LZTS1: variants seen among roughly 807,000 people sequenced by gnomAD.
The protein encoded by LZTS1 is leucine zipper putative tumor suppressor 1.
A neutral mutation model predicts 45.8 loss-of-function variants in LZTS1; 31 were observed. The observed-to-expected ratio is 0.68, with a 90% confidence interval of 0.51 to 0.91. LZTS1 has a LOEUF of 0.91. Among genes scored for constraint, LZTS1 ranks in the 40% least tolerant of loss-of-function variants. The pLI is 0.00. For synonymous variants in LZTS1, 359 were observed against 357.3 expected (o/e 1.00, Z -0.05); for missense variants, 821 against 788.9 (o/e 1.04, Z -0.49).
chr8:20,258,518 G>T (rs1380376890), intron 1 of LZTS1, among the ~76,000 whole-genome samples: 1 of 152,164 alleles, frequency 6.6e-6, no homozygotes, highest in Non-Finnish European at 1.5e-5. Flanking sequence ...TCTATATTTT[G>T]TTAGGAAAAG....
chr8:20,280,480 G>A (rs1291940472), intron 1 of LZTS1, among the ~76,000 whole-genome samples: 1 of 152,094 alleles, frequency 6.6e-6, no homozygotes, highest in Admixed American at 6.5e-5. Context: ...CATTCATGGG[G>A]ATAATTCCTC....
chr8:20,300,233 C>T (rs1801051277), intron 1 of LZTS1, among the ~76,000 whole-genome samples: 1 of 152,208 alleles, frequency 6.6e-6, no homozygotes, highest in African/African-American at 2.4e-5. Context: ...AACAGTGCTC[C>T]CTGCCAAAGG....
chr8:20,265,676 CAAAAAAAAAAAA>C (rs71222140), intron 1 of LZTS1, among the ~76,000 whole-genome samples: 1 of 42,996 alleles, frequency 2.3e-5, no homozygotes, highest in South Asian at 1.9e-3. Flanking sequence ...GACTCTGTCT[CAAAAAAAAAAAA>C]AAAAAAAAAA....
intron 1 of LZTS1, among the ~76,000 whole-genome samples, chr8:20,271,308 C>T (rs1288162133): frequency 6.6e-6 from 1 of 152,254 alleles, no homozygotes; most frequent in African/African-American, 2.4e-5. Context: ...CTGGGTTGAG[C>T]ATCCGGCCGT....
intron 1 of LZTS1, among the ~76,000 whole-genome samples, chr8:20,293,911 T>C (rs939025794): frequency 1.3e-5 from 2 of 151,898 alleles, no homozygotes; most frequent in Non-Finnish European, 2.9e-5. Flanking sequence ...CAACAGAGCA[T>C]GACTCTGCCT....
chr8:20,291,532 A>G (rs1653220632), intron 1 of LZTS1, among the ~76,000 whole-genome samples: 1 of 152,246 alleles, frequency 6.6e-6, no homozygotes, highest in Non-Finnish European at 1.5e-5. Flanking sequence ...AAATGAGAAA[A>G]TTGAGGCTCA....
chr8:20,267,723 G>A (rs188366781), intron 1 of LZTS1, among the ~76,000 whole-genome samples: 3 of 152,158 alleles, frequency 2.0e-5, no homozygotes, highest in East Asian at 1.9e-4. Context: ...CACCATGTTG[G>A]CCAGGATGGT....
Position 20,250,258 on chromosome 8 carries a change from G to C in LZTS1, c.1255C>G (p.Leu419Val). 3 of 1,613,804 alleles carry C rather than the reference G, an allele frequency of 1.9e-6. No individual in the cohort carries two copies. The highest frequency in any genetic ancestry group is 2.2e-5 in the South Asian group (2 of 91,084). ...ASEILGLKAQ[L>V]KDTRGKLEGL... Reference sequence around the variant, plus strand: ...TCCAGCTTGCCCCGCGTGTCCTTCAGCTGTGCCTTGAGACCCAGGATCTCG... The same window carrying C: ...TCCAGCTTGCCCCGCGTGTCCTTCACCTGTGCCTTGAGACCCAGGATCTCG... Residue 419 changes from leucine to valine, a missense_variant, in exon 4 of 4, where the codon CTG becomes GTG. By Grantham distance (32) the Leu-to-Val change is conservative. Coordinates refer to ENST00000381569, the MANE Select transcript of LZTS1 (RefSeq NM_021020.5).
At chr8:20,291,345 C>T (rs1800898472) in intron 1 of LZTS1, among the ~76,000 whole-genome samples, 1 of 152,170 alleles carries the variant, frequency 6.6e-6, no homozygotes, top group Non-Finnish European at 1.5e-5. Context: ...CTCTACCAAG[C>T]ACTCATGACC....
chr8:20,273,247 G>C (rs1800509322), intron 1 of LZTS1, among the ~76,000 whole-genome samples: 1 of 152,124 alleles, frequency 6.6e-6, no homozygotes, highest in Non-Finnish European at 1.5e-5. Flanking sequence ...CTGTTGCGCA[G>C]CCTGTCCTCT....
chr8:20,300,874 C>G (rs1329835506), intron 1 of LZTS1, among the ~76,000 whole-genome samples: 1 of 152,106 alleles, frequency 6.6e-6, no homozygotes, highest in African/African-American at 2.4e-5. Flanking sequence ...AATCCCAACA[C>G]TTTGGGAGGC....
At chr8:20,270,507 G>T (rs984651057) in intron 1 of LZTS1, among the ~76,000 whole-genome samples, 1 of 152,178 alleles carries the variant, frequency 6.6e-6, no homozygotes, top group African/African-American at 2.4e-5. Context: ...GAGTTTGGAT[G>T]GGGCAAGAGT....
At chr8:20,255,418 G>T in intron 1 of LZTS1, 103 bp from the exon 2 acceptor site, 1 of 736,032 alleles carries the variant, frequency 1.4e-6, no homozygotes, top group Non-Finnish European at 2.1e-6. Flanking sequence ...ACATGTCAGA[G>T]CCCAGCACTG....
At chr8:20,252,655 C>G in intron 3 of LZTS1, 127 bp downstream of exon 3, 1 of 736,624 alleles carries the variant, frequency 1.4e-6, no homozygotes, top group East Asian at 3.0e-5. Context: ...GGTGATAAAG[C>G]CAGCACATTA....
Position 20,262,246 on chromosome 8 carries a change from C to T in LZTS1, c.-134-6931G>A, listed in dbSNP as rs146332285. Among the ~76,000 whole-genome samples the T allele has an allele frequency of 2.0e-4, 30 of 152,340 alleles. No homozygotes were observed. In the East Asian group the frequency reaches 4.8e-3, roughly 24 times the overall value. On this transcript the variant is annotated intron_variant, in intron 1 of 3. Coordinates refer to ENST00000381569, the MANE Select transcript of LZTS1 (RefSeq NM_021020.5). ...TGGCAGGACTGAGCTGATGGGGCTG[C>T]ACTGTGGGGGAACATTTAGTCATTT...
chr8:20,288,438 T>G (rs1195513676), intron 1 of LZTS1, among the ~76,000 whole-genome samples: 1 of 152,144 alleles, frequency 6.6e-6, no homozygotes, highest in African/African-American at 2.4e-5. Flanking sequence ...CACAGCTTCC[T>G]CTTGGGCTTC....
intron 1 of LZTS1, among the ~76,000 whole-genome samples, chr8:20,282,132 G>T (rs775350959): frequency 6.6e-6 from 1 of 152,098 alleles, no homozygotes; most frequent in Non-Finnish European, 1.5e-5. Flanking sequence ...TCACCACGAG[G>T]GTCCACAGTC....
At chr8:20,270,434 C>T (rs534673438) in intron 1 of LZTS1, among the ~76,000 whole-genome samples, 90 of 152,358 alleles carry the variant, frequency 5.9e-4, no homozygotes, top group African/African-American at 2.1e-3. Flanking sequence ...CCATCAACAG[C>T]AGCTGAGGGC....
At chr8:20,262,805 A>C (rs1263371569) in intron 1 of LZTS1, among the ~76,000 whole-genome samples, 1 of 152,140 alleles carries the variant, frequency 6.6e-6, no homozygotes, top group African/African-American at 2.4e-5. Context: ...CACGACAAAG[A>C]ATGATTTCAC....
Sources: allele counts gnomAD v4.1 joint callset (sites outside exome capture counted in the v4.1 genomes callset), GRCh38; gene constraint gnomAD v4.1.1; transcripts MANE v1.5; gene names NCBI Gene and HGNC (gene_info 2026-07-23, HGNC 2026-07-21).